DISP1: variants seen among roughly 807,000 people sequenced by gnomAD.
DISP1 encodes the protein protein dispatched homolog 1.
DISP1 carries 30 observed loss-of-function variants against 37.3 expected under a neutral mutation model. That is an observed-to-expected ratio of 0.80 (90% CI 0.60 to 1.09). The LOEUF (loss-of-function observed/expected upper bound fraction) is 1.09. DISP1 is among the 50% of genes least tolerant of loss of function. The probability of loss-of-function intolerance (pLI) is 0.00; values close to 1 mark genes in which losing one functional copy is unlikely to be tolerated. For missense variants in DISP1, 1,598 were observed against 1,879.5 expected, an observed-to-expected ratio of 0.85 and a Z score of 2.77; for synonymous variants, 634 against 690.2, an observed-to-expected ratio of 0.92 and a Z score of 1.28.
intron 1 of DISP1, among the ~76,000 whole-genome samples, chr1:222,881,990 G>A (rs1670310597): frequency 6.6e-6 from 1 of 152,126 alleles, no homozygotes; most frequent in Non-Finnish European, 1.5e-5. Flanking sequence ...TAAGAAGACT[G>A]GACCAACAAA....
In DISP1 at chr1:222,863,081, C is replaced by T. The variant is rs558826314; in HGVS notation, c.-159+48003C>T. 2.0e-5 allele frequency among the ~76,000 whole-genome samples: 3 copies of T among 152,292 alleles called. No homozygotes were observed. The South Asian group carries it at 6.2e-4, about 32-fold the overall frequency. ...TTTTGCAGTTTTGGCTGGAAAACCA[C>T]AGAAGAGATGCTGTGCTGTTCTCAG... On this transcript the variant is annotated intron_variant, in intron 1 of 8. Coordinates refer to ENST00000675850, the MANE Select transcript of DISP1 (RefSeq NM_001377229.1).
chr1:222,932,557 A>G (rs1198114677), intron 2 of DISP1, among the ~76,000 whole-genome samples: 1 of 151,948 alleles, frequency 6.6e-6, no homozygotes, highest in Non-Finnish European at 1.5e-5. Context: ...AAGTTTCTCT[A>G]GTTTTATTTT....
intron 1 of DISP1, among the ~76,000 whole-genome samples, chr1:222,828,063 G>C (rs1232094330): frequency 6.6e-6 from 1 of 152,132 alleles, no homozygotes; most frequent in Admixed American, 6.6e-5. Flanking sequence ...TAGTGTACTT[G>C]CATGTTAACT....
intron 1 of DISP1, among the ~76,000 whole-genome samples, chr1:222,862,974 T>G (rs1668970057): frequency 6.6e-6 from 1 of 152,206 alleles, no homozygotes; most frequent in Non-Finnish European, 1.5e-5. Flanking sequence ...ACTTTAACAT[T>G]TTTTAGAAGA....
Position 222,991,784 on chromosome 1 carries a change from G to T in DISP1, c.791+137G>T. 3 of 1,066,602 alleles carry T rather than the reference G, an allele frequency of 2.8e-6. No individual in the cohort carries two copies. In the South Asian group the frequency reaches 4.8e-5, roughly 17 times the overall value. The allele number at this position is 1,066,602 out of a possible 1,614,324, so 66.1% of individuals were successfully genotyped here. On this transcript the variant is annotated intron_variant, in intron 6 of 8. Transcript: ENST00000675850. ...CTTTGCCACTGAATTTGCTTAACTT[G>T]TCATTGTGTTTGAAGATTTTGTTGT...
At chr1:222,895,971 G>A (rs760395377) in intron 1 of DISP1, among the ~76,000 whole-genome samples, 4 of 152,074 alleles carry the variant, frequency 2.6e-5, no homozygotes, top group African/African-American at 7.2e-5. Flanking sequence ...GGACTTTATC[G>A]TAATTACAAA....
chr1:222,917,617 G>A (rs1032107358), intron 1 of DISP1, among the ~76,000 whole-genome samples: 20 of 152,096 alleles, frequency 1.3e-4, no homozygotes, highest in South Asian at 4.1e-4. Context: ...TTCAAAATTC[G>A]AGAGAATTTT....
chr1:222,841,134 C>A (rs766415584), intron 1 of DISP1, among the ~76,000 whole-genome samples: 10 of 152,078 alleles, frequency 6.6e-5, no homozygotes, highest in Non-Finnish European at 1.3e-4. Flanking sequence ...TGTGTATATG[C>A]TAATTAGTGT....
chr1:222,909,197 G>T (rs529681772), intron 1 of DISP1, among the ~76,000 whole-genome samples: 2 of 152,042 alleles, frequency 1.3e-5, no homozygotes, highest in Non-Finnish European at 2.9e-5. Flanking sequence ...ATCTATAAAT[G>T]TATTGAATTC....
At chr1:222,903,829 G>A (rs1226529347) in intron 1 of DISP1, among the ~76,000 whole-genome samples, 2 of 152,172 alleles carry the variant, frequency 1.3e-5, no homozygotes, top group Admixed American at 1.3e-4. Flanking sequence ...CAGGTTCTGA[G>A]GTGTTTACTC....
chr1:222,822,576 A>G (rs1663202728), intron 1 of DISP1, among the ~76,000 whole-genome samples: 1 of 152,298 alleles, frequency 6.6e-6, no homozygotes, highest in Non-Finnish European at 1.5e-5. Context: ...AATGATAATG[A>G]TTTTCATAAA....
chr1:222,873,325 T>G (rs148138058), intron 1 of DISP1, among the ~76,000 whole-genome samples: 1,742 of 152,280 alleles, frequency 0.011, 33 homozygotes, highest in African/African-American at 0.04. Context: ...TTCCTGGATA[T>G]CCTTGTTAAC....
chr1:222,949,072 A>T lies in DISP1; in HGVS notation c.509+5740A>T, dbSNP rs557714369. Among the ~76,000 whole-genome samples the T allele has an allele frequency of 2.2e-3, 337 of 150,654 alleles. 4 individuals are homozygous for T. Among genetic ancestry groups the T allele is most frequent in the African/African-American group, 7.0e-3 (290 of 41,348 alleles). On this transcript the variant is annotated intron_variant, in intron 3 of 8. Coordinates refer to ENST00000675850, the MANE Select transcript of DISP1 (RefSeq NM_001377229.1). ...ATCAACCATCTGTGTGTTTTTTTTA[A>T]AAAAAAATTCCTTTTTAGTGTTCCG... is the stretch of plus-strand genomic sequence containing the variant.
chr1:222,956,239 C>T (rs1212978449), intron 3 of DISP1, among the ~76,000 whole-genome samples: 1 of 152,096 alleles, frequency 6.6e-6, no homozygotes, highest in Non-Finnish European at 1.5e-5. Context: ...GAAAGTTTCC[C>T]TTTGATGGAT....
At chr1:222,825,157 G>A (rs1246044377) in intron 1 of DISP1, among the ~76,000 whole-genome samples, 1 of 145,680 alleles carries the variant, frequency 6.9e-6, no homozygotes, top group African/African-American at 2.5e-5. Flanking sequence ...AATGTGGGGG[G>A]GCAGTGGTGG....
chr1:222,932,313 C>T (rs1469658835), intron 2 of DISP1, among the ~76,000 whole-genome samples: 1 of 151,876 alleles, frequency 6.6e-6, no homozygotes, highest in Non-Finnish European at 1.5e-5. Flanking sequence ...GGCCAGGACC[C>T]TTTTATCATA....
At chr1:222,929,304 A>G (rs1673252047) in intron 2 of DISP1, among the ~76,000 whole-genome samples, 1 of 152,132 alleles carries the variant, frequency 6.6e-6, no homozygotes, top group African/African-American at 2.4e-5. Context: ...TGGATAATTT[A>G]TTTGCAACTG....
chr1:222,906,779 A>G (rs1340548177), intron 1 of DISP1, among the ~76,000 whole-genome samples: 2 of 152,252 alleles, frequency 1.3e-5, no homozygotes, highest in Non-Finnish European at 1.5e-5. Flanking sequence ...TCCTCTGCCT[A>G]TGAGAGTAGC....
Position 222,984,435 on chromosome 1 carries a change from TAGAGAGAG to T in DISP1, c.539+1343_539+1350del, listed in dbSNP as rs369654102. 3.9e-4 allele frequency among the ~76,000 whole-genome samples: 42 copies of T among 108,398 alleles called. 1 individual carries two copies. The highest frequency in any genetic ancestry group is 1.5e-3 in the African/African-American group (39 of 26,396). The allele number at this position is 108,398 out of a possible 152,430, so 71.1% of individuals were successfully genotyped here. ...AAAAAAAAAAAAATATATATATATATAGAGAGAGAGAGAGAGAGAGAGAGCGTACTCAT... is the reference window on the plus strand; with the variant it reads ...AAAAAAAAAAAAATATATATATATATAGAGAGAGAGAGAGAGCGTACTCAT... On this transcript the variant is annotated intron_variant, in intron 4 of 8. Transcript: ENST00000675850.
Sources: allele counts gnomAD v4.1 joint callset (sites outside exome capture counted in the v4.1 genomes callset), GRCh38; gene constraint gnomAD v4.1.1; transcripts MANE v1.5; gene names NCBI Gene and HGNC (gene_info 2026-07-23, HGNC 2026-07-21).